LRPPRC: variants seen among roughly 807,000 people sequenced by gnomAD.
LRPPRC encodes leucine-rich PPR motif-containing protein, mitochondrial.
A neutral mutation model predicts 180.3 loss-of-function variants in LRPPRC; 120 were observed. The observed-to-expected ratio is 0.67, with a 90% CI of 0.57 to 0.77. LRPPRC has a LOEUF of 0.77. Ranked by LOEUF, LRPPRC falls within the 30% of genes least tolerant of loss-of-function variation. The pLI is 0.00. For missense variants in LRPPRC, 2,012 were observed against 1,657.2 expected (o/e 1.21, Z -3.72); for synonymous variants, 723 against 600.0 (o/e 1.21, Z -3.00).
intron 27 of LRPPRC, among the ~76,000 whole-genome samples, chr2:43,918,814 T>G (rs914182438): frequency 5.5e-5 from 8 of 145,002 alleles, no homozygotes; most frequent in South Asian, 4.3e-4. Flanking sequence ...TATATAGATA[T>G]ATATATATCT....
chr2:43,887,574 A>G lies in LRPPRC; in HGVS notation c.*1026T>C, dbSNP rs1670312767. Reference sequence around the variant, plus strand: ...GAACAAGGAATACCCCAAAATGGGGAGAGTTCTCAAAACATTTTCAACATT... The same window carrying G: ...GAACAAGGAATACCCCAAAATGGGGGGAGTTCTCAAAACATTTTCAACATT... On this transcript the variant is annotated 3_prime_UTR_variant, in exon 38 of 38. Coordinates refer to ENST00000260665, the MANE Select transcript of LRPPRC (RefSeq NM_133259.4). 1 of 152,244 alleles carries G rather than the reference A, an allele frequency of 6.6e-6. No individual in the cohort carries two copies. The highest frequency in any genetic ancestry group is 2.4e-5 in the African/African-American group (1 of 41,462). The allele number at this position is 152,244 out of a possible 1,614,324, so 9.4% of individuals were successfully genotyped here.
chr2:43,919,835 G>A (rs1671632401), intron 27 of LRPPRC, among the ~76,000 whole-genome samples: 1 of 151,814 alleles, frequency 6.6e-6, no homozygotes, highest in East Asian at 1.9e-4. Flanking sequence ...GAAATATCTG[G>A]ATTGTGTGGC....
In LRPPRC at chr2:43,912,500, G is replaced by C. The variant is rs768402561; in HGVS notation, c.3207C>G (p.Thr1069=). ...TCAGTAATTTAATGAGATTGCTGTA[G>C]GTTTCAGCATTAAACACAATGTTTT... ...KEQNIVFNAE[T]YSNLIKLLMS... is the part of the protein sequence containing the mutation. Residue 1069 remains threonine, a synonymous_variant, in exon 30 of 38, where the codon ACC becomes ACG. Transcript: ENST00000260665. 1.9e-6 allele frequency: 3 copies of C among 1,587,938 alleles called. No individual in the cohort carries two copies. The South Asian group carries it at 3.3e-5, about 18-fold the overall frequency.
intron 15 of LRPPRC, 33 bp from the exon 16 acceptor site, chr2:43,949,692 A>G (rs774132109): frequency 2.8e-6 from 4 of 1,415,168 alleles, no homozygotes; most frequent in Non-Finnish European, 4.0e-6. Flanking sequence ...CATTGCAGCA[A>G]GAGAAGCAAA....
At chr2:43,945,692 T>A (rs1036696196) in intron 21 of LRPPRC, among the ~76,000 whole-genome samples, 1 of 152,110 alleles carries the variant, frequency 6.6e-6, no homozygotes, top group South Asian at 2.1e-4. Context: ...CTTTAAGTGA[T>A]TCTAACCTTC....
chr2:43,890,102 C>A, intron 36 of LRPPRC: 1 of 579,538 alleles, frequency 1.7e-6, no homozygotes. Context: ...ACAAATATGG[C>A]TACATTTAAA....
intron 32 of LRPPRC, 106 bp from the exon 33 acceptor site, chr2:43,899,711 G>A: frequency 1.4e-6 from 1 of 713,410 alleles, no homozygotes; most frequent in Non-Finnish European, 2.4e-6. Context: ...AATACTTTAG[G>A]AAAAAAATGA....
chr2:43,979,281 T>C (rs1674196298), intron 3 of LRPPRC, among the ~76,000 whole-genome samples: 1 of 152,156 alleles, frequency 6.6e-6, no homozygotes. Flanking sequence ...TATCATTCTA[T>C]ACATACTGGT....
intron 13 of LRPPRC, among the ~76,000 whole-genome samples, 195 bp from the exon 14 acceptor site, chr2:43,957,646 C>A (rs544160623): frequency 2.6e-5 from 4 of 152,136 alleles, no homozygotes; most frequent in Non-Finnish European, 4.4e-5. Context: ...ACCCTTTTAA[C>A]GTATTTTTAA....
At chr2:43,906,118 G>A (rs1425070270) in intron 30 of LRPPRC, among the ~76,000 whole-genome samples, 1 of 151,802 alleles carries the variant, frequency 6.6e-6, no homozygotes. Context: ...TCCTAAGCTG[G>A]ATACTTTTTT....
Position 43,948,135 on chromosome 2 carries a change from G to T in LRPPRC, c.1907C>A (p.Pro636His). 2 of 1,597,436 alleles carry T rather than the reference G, an allele frequency of 1.3e-6. No individual in the cohort carries two copies. Among genetic ancestry groups the T allele is most frequent in the South Asian group, 1.1e-5 (1 of 90,766 alleles). ...TTTCACACACACCTTAATCAATTCA[G>T]GAACATGGTAGCTTTCCAGGAGATT... ...IRNLLESYHV[P>H]ELIKDAHLLV... The change falls in exon 18 of 38, where the codon CCT becomes CAT. Residue 636 changes from proline to histidine, a missense_variant. Coordinates refer to ENST00000260665, the MANE Select transcript of LRPPRC (RefSeq NM_133259.4).
At position 43,931,921 on chromosome 2, in the gene LRPPRC, C is replaced by CTGA. The variant is rs1362204019; in HGVS notation, c.2736+2268_2736+2269insTCA. Reference sequence around the variant, plus strand: ...TTCCTTTCCTTCTCAGTCTTTCTCCCTTCCCTTCATTCTAGTCAAAGAGAT... The same window carrying CTGA: ...TTCCTTTCCTTCTCAGTCTTTCTCCCTGATTCCCTTCATTCTAGTCAAAGAGAT... On this transcript the variant is annotated intron_variant, in intron 25 of 37. Coordinates refer to ENST00000260665, the MANE Select transcript of LRPPRC (RefSeq NM_133259.4). Among the ~76,000 whole-genome samples, 7 of 151,976 alleles carry CTGA rather than the reference C, an allele frequency of 4.6e-5. No homozygotes were observed. In the East Asian group the frequency reaches 1.4e-3, roughly 29 times the overall value.
intron 13 of LRPPRC, chr2:43,959,264 T>C (rs768939894): frequency 5.6e-6 from 4 of 709,570 alleles, no homozygotes; most frequent in African/African-American, 3.5e-5. Flanking sequence ...TACACTCAGA[T>C]AGCAGCCAGC....
intron 1 of LRPPRC, among the ~76,000 whole-genome samples, chr2:43,984,145 A>G (rs1171889272): frequency 6.6e-6 from 1 of 152,044 alleles, no homozygotes; most frequent in African/African-American, 2.4e-5. Context: ...TTACTAAACT[A>G]TCCCCTTCTT....
rs1316504345 is a variant in LRPPRC, at chr2:43,923,110, C to A, written c.2896+1957G>T. On this transcript the variant is annotated intron_variant, in intron 27 of 37. Transcript: ENST00000260665. ...AAGGACAAGAAAATAGTATTAAACTCAGAGACCATATATCCCTAATGGAAA... is the reference window on the plus strand; with the variant it reads ...AAGGACAAGAAAATAGTATTAAACTAAGAGACCATATATCCCTAATGGAAA... 2.0e-5 allele frequency among the ~76,000 whole-genome samples: 3 copies of A among 149,096 alleles called. No individual in the cohort carries two copies. The East Asian group carries it at 5.9e-4, about 29-fold the overall frequency.
chr2:43,901,847 A>C, intron 31 of LRPPRC: 1 of 253,958 alleles, frequency 3.9e-6, no homozygotes, highest in Non-Finnish European at 7.6e-6. Context: ...CAAATAAGAA[A>C]GATTTTCTAG....
intron 16 of LRPPRC, among the ~76,000 whole-genome samples, chr2:43,949,086 G>C (rs4390811): frequency 0.3 from 44,990 of 151,956 alleles, 8,193 homozygotes; most frequent in East Asian, 0.96. Context: ...AAATGTATAG[G>C]GCCATGTTAC....
At chr2:43,897,024 T>C (rs1175832852) in intron 34 of LRPPRC, among the ~76,000 whole-genome samples, 2 of 152,156 alleles carry the variant, frequency 1.3e-5, no homozygotes, top group African/African-American at 4.8e-5. Flanking sequence ...AAAGAAACAT[T>C]ATTCCTCTCC....
chr2:43,989,344 C>G lies in LRPPRC; in HGVS notation c.149+6455G>C, dbSNP rs557515415. ...ATAACAACCTTCTGGCCTGAAATAC[C>G]AATCCACTCCTTTCCACCTATCGAG... On this transcript the variant is annotated intron_variant, in intron 1 of 37. Transcript: ENST00000260665. Among the ~76,000 whole-genome samples the G allele has an allele frequency of 2.0e-5, 3 of 152,294 alleles. No individual in the cohort carries two copies. In the South Asian group the frequency reaches 6.2e-4, roughly 32 times the overall value.
Sources: gnomAD v4.1 joint callset for allele counts (sites outside exome capture counted in the v4.1 genomes callset) on GRCh38, gnomAD v4.1.1 for gene constraint, MANE v1.5 for transcripts, NCBI Gene and HGNC (gene_info 2026-07-23, HGNC 2026-07-21) for gene names.